The following GSR variants were observed in gnomAD, a reference collection of about 807,000 sequenced individuals.
The protein encoded by GSR is glutathione-disulfide reductase.
Under a neutral mutation model 56.5 loss-of-function variants are expected in GSR, and 48 were observed. That is an observed-to-expected ratio of 0.85 (90% confidence interval 0.67 to 1.08). GSR has a LOEUF of 1.08. Among genes scored for constraint, GSR ranks in the 50% least tolerant of loss-of-function variants. The probability of loss-of-function intolerance (pLI) is 0.00; values close to 1 mark genes in which losing one functional copy is unlikely to be tolerated. For synonymous variants in GSR, 264 were observed against 270.8 expected (o/e 0.97, Z 0.25); for missense variants, 694 against 703.3 (o/e 0.99, Z 0.15).
intron 5 of GSR, among the ~76,000 whole-genome samples, chr8:30,702,319 CTAAATAAA>C (rs531638931): frequency 9.9e-5 from 15 of 150,992 alleles, no homozygotes; most frequent in South Asian, 6.3e-4. Flanking sequence ...GACTCTGTCT[CTAAATAAA>C]TAAATAAATA....
At chr8:30,703,036 T>A (rs1299949691) in intron 5 of GSR, 57 bp downstream of exon 5, 206 of 1,574,172 alleles carry the variant, frequency 1.3e-4, no homozygotes, top group Non-Finnish European at 1.7e-4. Flanking sequence ...GCTTTTCAGG[T>A]TGAAAGCAAC....
At chr8:30,719,976 G>A (rs1023680924) in intron 1 of GSR, among the ~76,000 whole-genome samples, 1 of 152,114 alleles carries the variant, frequency 6.6e-6, no homozygotes, top group Non-Finnish European at 1.5e-5. Context: ...TTTGGGAGGT[G>A]AGGTGGGAGG....
intron 4 of GSR, chr8:30,704,785 A>T (rs1803869632): frequency 6.6e-6 from 1 of 152,190 alleles, no homozygotes; most frequent in Non-Finnish European, 1.5e-5. Flanking sequence ...GGCTTAATCA[A>T]GCTGAATCAA....
At chr8:30,707,214 A>T (rs2128745262) in intron 4 of GSR, 1 of 152,340 alleles carries the variant, frequency 6.6e-6, no homozygotes, top group Non-Finnish European at 1.5e-5. Flanking sequence ...ACTGGTGCAC[A>T]AAGTCTCTCG....
At chr8:30,715,693 T>A (rs1804309331) in intron 1 of GSR, among the ~76,000 whole-genome samples, 1 of 152,204 alleles carries the variant, frequency 6.6e-6, no homozygotes, top group Non-Finnish European at 1.5e-5. Flanking sequence ...AGATGATTTG[T>A]CTGCTACATA....
chr8:30,719,436 A>ACC (rs1454307264), intron 1 of GSR, among the ~76,000 whole-genome samples: 6 of 151,712 alleles, frequency 4.0e-5, no homozygotes, highest in African/African-American at 1.5e-4. Context: ...TTTTTAGGAG[A>ACC]GATGGGGTTT....
intron 1 of GSR, among the ~76,000 whole-genome samples, chr8:30,719,393 G>C (rs1226954516): frequency 6.6e-6 from 1 of 151,868 alleles, no homozygotes; most frequent in African/African-American, 2.4e-5. Flanking sequence ...TGGGATTACT[G>C]GCCTGAGCCA....
At position 30,684,072 on chromosome 8, in the gene GSR, A is replaced by G. The variant is rs1487421253; in HGVS notation, c.1153+16T>C. 1.5e-6 allele frequency: 2 copies of G among 1,303,150 alleles called. No individual in the cohort carries two copies. Among genetic ancestry groups the G allele is most frequent in the Admixed American group, 3.4e-5 (2 of 59,644 alleles). 80.7% of individuals were successfully genotyped at this position (1,303,150 alleles called of 1,614,324 possible). ...ACACGCAGACCCTCCCTCACCAAGAAGGGAAGAGACCTTACCTGGAGTAAG... is the reference window on the plus strand; with the variant it reads ...ACACGCAGACCCTCCCTCACCAAGAGGGGAAGAGACCTTACCTGGAGTAAG... On this transcript the variant is annotated intron_variant, in intron 10 of 12. Coordinates refer to ENST00000221130, the MANE Select transcript of GSR (RefSeq NM_000637.5).
At chr8:30,700,252 CA>C in intron 5 of GSR, 117 bp from the exon 6 acceptor site, 1 of 795,140 alleles carries the variant, frequency 1.3e-6, no homozygotes, top group South Asian at 1.4e-5. Context: ...TCCGTTTTGA[CA>C]AGTTTTGTTA....
At chr8:30,697,015 CTT>C (rs111969970) in intron 6 of GSR, among the ~76,000 whole-genome samples, 6 of 148,462 alleles carry the variant, frequency 4.0e-5, no homozygotes, top group Admixed American at 2.7e-4. Flanking sequence ...TTCTATTAAT[CTT>C]TTTTTTTTTC....
chr8:30,700,104 A>G lies in GSR; in HGVS notation c.672T>C (p.Phe224=), dbSNP rs777293181. 1 of 1,613,620 alleles carries G rather than the reference A, an allele frequency of 6.2e-7. No individual in the cohort carries two copies. The highest frequency in any genetic ancestry group is 1.1e-5 in the South Asian group (1 of 91,068). Residue 224 remains phenylalanine (F), a synonymous_variant, in exon 6 of 13, where the codon TTT becomes TTC. Transcript: ENST00000221130. ...ACCCGGGCAATTCTTCCAGCTGAAA[A>G]AATCCATCGCTGGTTATTCCTAAGC... ...GASLGITSDG[F]FQLEELPGRS...
intron 10 of GSR, among the ~76,000 whole-genome samples, 174 bp from the exon 11 acceptor site, chr8:30,682,235 GAAC>G (rs1332138446): frequency 7.2e-5 from 11 of 152,058 alleles, no homozygotes; most frequent in Non-Finnish European, 1.6e-4. Flanking sequence ...ATGCCTCAGC[GAAC>G]AACTCAAAAT....
At chr8:30,688,598 A>AAAG (rs1803244005) in intron 9 of GSR, among the ~76,000 whole-genome samples, 1 of 138,904 alleles carries the variant, frequency 7.2e-6, no homozygotes, top group Non-Finnish European at 1.6e-5. Flanking sequence ...AAAAAAAAAA[A>AAAG]GGAAAGAAAA....
chr8:30,713,388 TC>T (rs1804220162), intron 1 of GSR, among the ~76,000 whole-genome samples: 3 of 151,846 alleles, frequency 2.0e-5, no homozygotes. Flanking sequence ...AGACTGAGTC[TC>T]ACTATATCGC....
chr8:30,707,528 T>TACCA (rs1414805630), intron 4 of GSR, among the ~76,000 whole-genome samples: 2 of 152,140 alleles, frequency 1.3e-5, no homozygotes, highest in Admixed American at 6.6e-5. Flanking sequence ...GGTGTGGTGG[T>TACCA]GCATGCCTAC....
At position 30,710,756 on chromosome 8, in the gene GSR, AAAAG is replaced by A. The variant is rs1418967980; in HGVS notation, c.334-858_334-855del. Among the ~76,000 whole-genome samples the A allele has an allele frequency of 4.3e-3, 551 of 126,990 alleles. 5 individuals carry two copies. Among genetic ancestry groups the A allele is most frequent in the African/African-American group, 0.012 (368 of 31,210 alleles). The allele number at this position is 126,990 out of a possible 152,430, so 83.3% of individuals were successfully genotyped here. The stretch of plus-strand genomic sequence containing the variant: ...AAAAAAAAAAAAAAAGAAAAGAAAA[AAAAG>A]AAAAAAAAATATATAAATGAACATA... On this transcript the variant is annotated intron_variant, in intron 2 of 12. Coordinates refer to ENST00000221130, the MANE Select transcript of GSR (RefSeq NM_000637.5).
Position 30,719,309 on chromosome 8 carries a change from A to T in GSR, c.307-7221T>A, listed in dbSNP as rs192822442. Among the ~76,000 whole-genome samples, 22 of 151,018 alleles carry T rather than the reference A, an allele frequency of 1.5e-4. No individual in the cohort carries two copies. The East Asian group carries it at 4.3e-3, about 30-fold the overall frequency. Reference sequence around the variant, plus strand: ...TTTTATGTATTTTTAGTAGAGACGGAGTTTCACCGTGTTAGCCAGGATGGT... The same window carrying T: ...TTTTATGTATTTTTAGTAGAGACGGTGTTTCACCGTGTTAGCCAGGATGGT... On this transcript the variant is annotated intron_variant, in intron 1 of 12. Coordinates refer to ENST00000221130, the MANE Select transcript of GSR (RefSeq NM_000637.5).
At chr8:30,684,274 C>A in intron 9 of GSR, 75 bp from the exon 10 acceptor site, 1 of 843,458 alleles carries the variant, frequency 1.2e-6, no homozygotes, top group Non-Finnish European at 2.1e-6. Flanking sequence ...TCTGGATCTC[C>A]CTTCCTCATT....
intron 3 of GSR, among the ~76,000 whole-genome samples, chr8:30,708,784 G>C (rs570979431): frequency 6.6e-6 from 1 of 151,504 alleles, no homozygotes; most frequent in South Asian, 2.1e-4. Flanking sequence ...GTGAAATCCC[G>C]TCTCTACTAA....
Sources: gnomAD v4.1 joint callset for allele counts (sites outside exome capture counted in the v4.1 genomes callset) on GRCh38, gnomAD v4.1.1 for gene constraint, MANE v1.5 for transcripts, NCBI Gene and HGNC (gene_info 2026-07-23, HGNC 2026-07-21) for gene names.